Variants in GARNL3 observed in about 807,000 individuals in gnomAD.
The protein encoded by GARNL3 is GTPase activating Rap/RanGAP domain like 3, also known as GTPase-activating Rap/Ran-GAP domain-like protein 3.
In GARNL3, 63 loss-of-function variants were observed where a neutral mutation model predicts 125.0. The observed-to-expected ratio is 0.50, with a 90% confidence interval of 0.41 to 0.62. GARNL3 has a LOEUF of 0.62. Among genes scored for constraint, GARNL3 ranks in the 20% least tolerant of loss-of-function variants. GARNL3 has a pLI of 0.00. For missense variants in GARNL3, 994 were observed against 1,244.0 expected (o/e 0.80, Z 3.02); for synonymous variants, 439 against 457.5 (o/e 0.96, Z 0.52).
intron 2 of GARNL3, among the ~76,000 whole-genome samples, chr9:127,301,912 A>G (rs900883228): frequency 4.5e-5 from 5 of 110,504 alleles, no homozygotes; most frequent in Admixed American, 9.3e-5. Flanking sequence ...TATCTTCCTT[A>G]GCATTGGGAG....
intron 1 of GARNL3, among the ~76,000 whole-genome samples, chr9:127,288,498 G>A (rs546943063): frequency 2.6e-5 from 4 of 152,290 alleles, no homozygotes; most frequent in African/African-American, 9.6e-5. Flanking sequence ...TCAGTAGGAG[G>A]TGGTTGTGGT....
At chr9:127,371,807 A>G (rs924062568) in intron 22 of GARNL3, among the ~76,000 whole-genome samples, 2 of 152,254 alleles carry the variant, frequency 1.3e-5, no homozygotes, top group African/African-American at 4.8e-5. Flanking sequence ...GAACAAAATA[A>G]AGAATCCAGA....
intron 22 of GARNL3, among the ~76,000 whole-genome samples, chr9:127,373,252 G>C (rs923086187): frequency 6.6e-6 from 1 of 152,232 alleles, no homozygotes; most frequent in Non-Finnish European, 1.5e-5. Flanking sequence ...GAAGCCTCAA[G>C]TATTGCTATT....
rs1457412469 is a variant in GARNL3, at chr9:127,313,458, G to A, written c.337G>A (p.Gly113Arg). 6.2e-7 allele frequency: 1 copy of A among 1,613,578 alleles called. No individual in the cohort carries two copies. Among genetic ancestry groups the A allele is most frequent in the Non-Finnish European group, 8.5e-7 (1 of 1,179,530 alleles). Residue 113 changes from glycine to arginine, a missense_variant, in exon 4 of 28, where the codon GGA becomes AGA. Physicochemically the swap from Gly to Arg is moderately radical, Grantham distance 125. Around this residue, in one of 5 missense-constraint regions of GARNL3, gnomAD observed 139 missense variants for 231.6 expected, o/e 0.60. Transcript: ENST00000373387. ...FLGQVHQNYI[G>R]NDAEKSPFFL... is the part of the protein sequence containing the mutation. ...TTTTCCAGTCCATCAGAACTACATT[G>A]GAAACGATGCCGAGAAGAGCCCTTT...
chr9:127,236,955 A>G (rs777820980), intron 1 of GARNL3, among the ~76,000 whole-genome samples: 4 of 152,226 alleles, frequency 2.6e-5, no homozygotes, highest in Non-Finnish European at 4.4e-5. Context: ...TGTTAAGCTC[A>G]CAATCCAATC....
intron 11 of GARNL3, among the ~76,000 whole-genome samples, chr9:127,336,705 T>G (rs1007328288): frequency 3.9e-5 from 6 of 152,260 alleles, no homozygotes; most frequent in Non-Finnish European, 8.8e-5. Flanking sequence ...TATTTTTATC[T>G]GATTCCCCTA....
intron 11 of GARNL3, 56 bp from the exon 12 acceptor site, chr9:127,338,060 A>G: frequency 7.6e-7 from 1 of 1,307,470 alleles, no homozygotes; most frequent in Non-Finnish European, 1.1e-6. Flanking sequence ...TTCAGAGCGC[A>G]AGCTGTCAGT....
chr9:127,386,041 A>G lies in GARNL3; in HGVS notation c.2388+896A>G, dbSNP rs147590073. ...ACAATTTACAAATAATAAATATACA[A>G]TGCTGTTTATCATAAAAATCCACTT... On this transcript the variant is annotated intron_variant, in intron 24 of 27. Transcript: ENST00000373387. 2.0e-4 allele frequency among the ~76,000 whole-genome samples: 31 copies of G among 152,370 alleles called. No homozygotes were observed. The East Asian group carries it at 5.0e-3, about 25-fold the overall frequency.
intron 1 of GARNL3, among the ~76,000 whole-genome samples, chr9:127,235,523 T>C (rs1336540364): frequency 6.6e-6 from 1 of 152,206 alleles, no homozygotes; most frequent in Admixed American, 6.5e-5. Flanking sequence ...TGATTAATTG[T>C]TCATATAAAT....
At chr9:127,379,790 C>T (rs188808259) in intron 22 of GARNL3, among the ~76,000 whole-genome samples, 1 of 152,198 alleles carries the variant, frequency 6.6e-6, no homozygotes, top group Non-Finnish European at 1.5e-5. Context: ...GTGAAGAAAG[C>T]AAATTATATG....
In GARNL3 at chr9:127,318,052, G is replaced by T. The variant is rs934170478; in HGVS notation, c.439-11G>T. On this transcript the variant is annotated splice_polypyrimidine_tract_variant and intron_variant, in intron 4 of 27. Transcript: ENST00000373387. ...GAACTTGTCACTGATTTGATGTTTG[G>T]ACTTTTCCAGGGTACCCAGAAAATA... The T allele has an allele frequency of 2.5e-6, 4 of 1,573,514 alleles. No individual in the cohort carries two copies. Among genetic ancestry groups the T allele is most frequent in the Non-Finnish European group, 3.5e-6 (4 of 1,143,044 alleles).
At chr9:127,249,615 G>T (rs1039725961) in intron 2 of GARNL3, among the ~76,000 whole-genome samples, 1 of 152,102 alleles carries the variant, frequency 6.6e-6, no homozygotes, top group Non-Finnish European at 1.5e-5. Flanking sequence ...ATAAATAAAA[G>T]ATTATGCATT....
chr9:127,369,755 AAGAG>A (rs779447120), intron 22 of GARNL3, among the ~76,000 whole-genome samples: 1 of 152,218 alleles, frequency 6.6e-6, no homozygotes, highest in African/African-American at 2.4e-5. Flanking sequence ...TTAAGGGAAA[AAGAG>A]AGGCGGGATG....
chr9:127,350,831 C>T (rs2131645505), intron 17 of GARNL3, among the ~76,000 whole-genome samples: 1 of 151,336 alleles, frequency 6.6e-6, no homozygotes, highest in African/African-American at 2.4e-5. Context: ...ACAACAACAA[C>T]AACAAACAAG....
intron 21 of GARNL3, among the ~76,000 whole-genome samples, chr9:127,361,033 G>A (rs1830969368): frequency 6.6e-6 from 1 of 152,178 alleles, no homozygotes; most frequent in Admixed American, 6.5e-5. Context: ...CTGGGTCCCT[G>A]GTTTATGGGA....
intron 24 of GARNL3, among the ~76,000 whole-genome samples, chr9:127,386,630 TG>T (rs1397102465): frequency 6.6e-6 from 1 of 152,244 alleles, no homozygotes; most frequent in Non-Finnish European, 1.5e-5. Context: ...TTAGGGCCTT[TG>T]TTTTTTTAGG....
chr9:127,236,107 G>A lies in GARNL3; in HGVS notation c.-28-6972G>A, dbSNP rs916339358. Among the ~76,000 whole-genome samples the A allele has an allele frequency of 2.0e-5, 3 of 152,140 alleles. No individual in the cohort carries two copies. The South Asian group carries it at 6.2e-4, about 32-fold the overall frequency. On this transcript the variant is annotated intron_variant, in intron 1 of 10. Transcript: ENST00000439286. Reference sequence around the variant, plus strand: ...ATTTACAAAGAAATTAGGCTCACTCGGCATATGGCCCTTGGCTAGACCTGA... The same window carrying A: ...ATTTACAAAGAAATTAGGCTCACTCAGCATATGGCCCTTGGCTAGACCTGA...
chr9:127,388,842 C>A, intron 25 of GARNL3, 62 bp from the exon 26 acceptor site: 1 of 990,140 alleles, frequency 1.0e-6, no homozygotes, highest in Non-Finnish European at 1.6e-6. Context: ...AGAAATTACT[C>A]TCTTGTAAAT....
At chr9:127,301,038 T>C (rs1255331965) in intron 2 of GARNL3, 2 of 170,318 alleles carry the variant, frequency 1.2e-5, no homozygotes, top group Non-Finnish European at 2.5e-5. Flanking sequence ...CACATGGAAC[T>C]ATCATCTGTA....
Sources: allele counts gnomAD v4.1 joint callset (sites outside exome capture counted in the v4.1 genomes callset), GRCh38; gene constraint gnomAD v4.1.1; regional missense constraint gnomAD v4.1.1; transcripts MANE v1.5; gene names NCBI Gene and HGNC (gene_info 2026-07-23, HGNC 2026-07-21).